The following ZFYVE27 variants were observed in gnomAD, a reference collection of about 807,000 sequenced individuals.
ZFYVE27 encodes the protein zinc finger FYVE-type containing 27, also known as protrudin.
In ZFYVE27, 36 loss-of-function variants were observed where a neutral mutation model predicts 52.8. The observed-to-expected ratio is 0.68, with a 90% confidence interval of 0.52 to 0.90. ZFYVE27 has a LOEUF of 0.90. Ranked by LOEUF, ZFYVE27 falls within the 40% of genes least tolerant of loss-of-function variation. ZFYVE27 has a pLI of 0.00. For missense variants in ZFYVE27, 450 were observed against 527.2 expected, an observed-to-expected ratio of 0.85 and a Z score of 1.43; for synonymous variants, 223 against 215.6, an observed-to-expected ratio of 1.03 and a Z score of -0.30.
chr10:97,749,634 G>T (rs774441694), intron 6 of ZFYVE27, 48 bp downstream of exon 6: 1 of 1,443,564 alleles, frequency 6.9e-7, no homozygotes, highest in Non-Finnish European at 9.8e-7. Flanking sequence ...GGCTCTGAGG[G>T]CTAGGCTAGG....
At chr10:97,746,047 ATATATTT>A (rs1401125250) in intron 4 of ZFYVE27, among the ~76,000 whole-genome samples, 2,975 of 66,394 alleles carry the variant, frequency 0.045, 85 homozygotes, top group African/African-American at 0.13. Context: ...ATATATATAT[ATATATTT>A]TTTTTTTTTT....
chr10:97,749,451 T>G (rs753333815), intron 5 of ZFYVE27, 23 bp from the exon 6 acceptor site: 6 of 1,591,120 alleles, frequency 3.8e-6, no homozygotes, highest in Admixed American at 3.3e-5. Flanking sequence ...TTTCTGATCT[T>G]GTGGTTCTTC....
chr10:97,752,728 G>A, intron 8 of ZFYVE27, 129 bp from the exon 9 acceptor site: 2 of 1,062,676 alleles, frequency 1.9e-6, no homozygotes, highest in Middle Eastern at 2.0e-4. Flanking sequence ...CACCATTTGG[G>A]AAGTGCGCAG....
chr10:97,737,625 C>T (rs538322418), intron 1 of ZFYVE27, among the ~76,000 whole-genome samples: 14 of 152,402 alleles, frequency 9.2e-5, no homozygotes, highest in African/African-American at 3.4e-4. Flanking sequence ...TCCCCTCACC[C>T]TCCCATCAGG....
chr10:97,744,048 A>G (rs2044486760), intron 3 of ZFYVE27, among the ~76,000 whole-genome samples: 1 of 152,212 alleles, frequency 6.6e-6, no homozygotes, highest in African/African-American at 2.4e-5. Flanking sequence ...TCCAGTTCAT[A>G]TAAGATCTCA....
intron 6 of ZFYVE27, 99 bp downstream of exon 6, chr10:97,749,685 C>T: frequency 3.0e-6 from 3 of 1,006,550 alleles, no homozygotes; most frequent in South Asian, 1.3e-5. Context: ...CATCAGTTTG[C>T]TGTGCTTCCA....
At position 97,757,506 on chromosome 10, in the gene ZFYVE27, C is replaced by T. The variant is rs886237055; in HGVS notation, c.1090-136C>T. 5.5e-6 allele frequency: 7 copies of T among 1,264,586 alleles called. No individual in the cohort carries two copies. The South Asian group carries it at 7.2e-5, about 13-fold the overall frequency. The allele number at this position is 1,264,586 out of a possible 1,614,324, so 78.3% of individuals were successfully genotyped here. ...CTCCCCAGGGGGTATTCCATTTGCT[C>T]TCTTTCCTGCTCCACTTGGGCACCC... On this transcript the variant is annotated intron_variant, in intron 11 of 12. Transcript: ENST00000684270.
At chr10:97,753,561 T>C (rs2047551909) in intron 10 of ZFYVE27, among the ~76,000 whole-genome samples, 2 of 152,094 alleles carry the variant, frequency 1.3e-5, no homozygotes, top group Non-Finnish European at 2.9e-5. Context: ...AAATCCCAGC[T>C]CAGCCAGGTG....
intron 6 of ZFYVE27, 79 bp downstream of exon 6, chr10:97,749,665 T>A: frequency 8.7e-7 from 1 of 1,152,924 alleles, no homozygotes; most frequent in Non-Finnish European, 1.3e-6. Flanking sequence ...CTTCTGTCTC[T>A]ACAGCTAATC....
Position 97,738,549 on chromosome 10 carries a change from G to A in ZFYVE27, c.72G>A (p.Glu24=), listed in dbSNP as rs767490598. The change falls in exon 2 of 13, where the codon GAG becomes GAA. Residue 24 remains glutamate (E), a synonymous_variant. Coordinates refer to ENST00000684270, the MANE Select transcript of ZFYVE27 (RefSeq NM_001385875.1). ...SPSVMPEAPL[E]SPPFPTKSPA... is the part of the protein sequence containing the mutation. ...GCGTGATGCCCGAGGCTCCCCTGGAGTCTCCACCTTTTCCTACCAAGTCCC... is the reference window on the plus strand; with the variant it reads ...GCGTGATGCCCGAGGCTCCCCTGGAATCTCCACCTTTTCCTACCAAGTCCC... The A allele has an allele frequency of 6.2e-7, 1 of 1,614,204 alleles. No individual in the cohort carries two copies. The highest frequency in any genetic ancestry group is 1.7e-5 in the Admixed American group (1 of 60,030).
At chr10:97,750,112 A>G (rs1564823061) in intron 6 of ZFYVE27, 1 of 582,752 alleles carries the variant, frequency 1.7e-6, no homozygotes, top group South Asian at 2.0e-5. Flanking sequence ...TTTATTGAGC[A>G]TTTACTACAT....
chr10:97,747,747 A>C (rs1489981530), intron 4 of ZFYVE27, among the ~76,000 whole-genome samples: 1 of 152,124 alleles, frequency 6.6e-6, no homozygotes, highest in Non-Finnish European at 1.5e-5. Context: ...CCAGCCCTGG[A>C]ATCAGCTTAT....
chr10:97,750,134 A>T, intron 6 of ZFYVE27, 197 bp from the exon 7 acceptor site: 1 of 630,160 alleles, frequency 1.6e-6, no homozygotes, highest in South Asian at 1.8e-5. Context: ...TAATCTCTGT[A>T]GCTGTCTGGG....
chr10:97,743,707 G>A (rs1479952788), intron 3 of ZFYVE27, among the ~76,000 whole-genome samples: 1 of 152,208 alleles, frequency 6.6e-6, no homozygotes, highest in Non-Finnish European at 1.5e-5. Context: ...TGAGCCTAAC[G>A]GGAGCTGCTG....
intron 1 of ZFYVE27, among the ~76,000 whole-genome samples, chr10:97,737,641 G>A (rs1205040305): frequency 6.6e-6 from 1 of 152,262 alleles, no homozygotes; most frequent in African/African-American, 2.4e-5. Context: ...TCAGGTCGCG[G>A]CTGATTGCCT....
intron 7 of ZFYVE27, 80 bp downstream of exon 7, chr10:97,750,550 C>A: frequency 6.3e-7 from 1 of 1,585,778 alleles, no homozygotes; most frequent in Non-Finnish European, 8.6e-7. Context: ...GGCTCCTGGG[C>A]TGGCCTCTGT....
rs745819444 is a variant in ZFYVE27, at chr10:97,757,352, T to C, written c.1089+41T>C. The C allele has an allele frequency of 1.7e-5, 28 of 1,613,286 alleles. No homozygotes were observed. The East Asian group carries it at 6.2e-4, about 36-fold the overall frequency. On this transcript the variant is annotated intron_variant, in intron 11 of 12. Coordinates refer to ENST00000684270, the MANE Select transcript of ZFYVE27 (RefSeq NM_001385875.1). ...GGTGCATTTGTTGGGGACAGTGTCCTTGGGACTGTCGGGTGGGGAGGAGTT... is the reference window on the plus strand; with the variant it reads ...GGTGCATTTGTTGGGGACAGTGTCCCTGGGACTGTCGGGTGGGGAGGAGTT...
Position 97,759,441 on chromosome 10 carries a change from T to G in ZFYVE27, c.*141T>G. On this transcript the variant is annotated 3_prime_UTR_variant, in exon 13 of 13. Transcript: ENST00000684270. ...GGTAGGCTTCCCCTTCCTTCCTCAC[T>G]CTCTCCAGCTGGATTCTGGAGCTGT... 1.2e-6 allele frequency: 1 copy of G among 837,088 alleles called. No homozygotes were observed. The highest frequency in any genetic ancestry group is 2.0e-6 in the Non-Finnish European group (1 of 500,358). The allele number at this position is 837,088 out of a possible 1,614,324, so 51.9% of individuals were successfully genotyped here.
intron 12 of ZFYVE27, 52 bp downstream of exon 12, chr10:97,757,775 G>A: frequency 6.3e-7 from 1 of 1,582,188 alleles, no homozygotes; most frequent in Non-Finnish European, 8.7e-7. Context: ...CCCAGGGGAT[G>A]TCACGCTGTG....
Sources: allele counts gnomAD v4.1 joint callset (sites outside exome capture counted in the v4.1 genomes callset), GRCh38; gene constraint gnomAD v4.1.1; transcripts MANE v1.5; gene names NCBI Gene and HGNC (gene_info 2026-07-23, HGNC 2026-07-21).